Variants in IL23R observed in about 807,000 individuals in gnomAD.
The protein encoded by IL23R is interleukin 23 receptor, also known as interleukin-23 receptor.
A neutral mutation model predicts 56.9 loss-of-function variants in IL23R; 34 were observed. The observed-to-expected ratio is 0.60, with a 90% CI of 0.45 to 0.80. IL23R has a LOEUF of 0.80. Among genes scored for constraint, IL23R ranks in the 30% least tolerant of loss-of-function variants. The probability of loss-of-function intolerance (pLI) is 0.00; values close to 1 mark genes in which losing one functional copy is unlikely to be tolerated. For synonymous variants in IL23R, 230 were observed against 249.2 expected (o/e 0.92, Z 0.73); for missense variants, 635 against 730.0 (o/e 0.87, Z 1.50).
intron 3 of IL23R, among the ~76,000 whole-genome samples, chr1:67,171,724 C>T (rs997609701): frequency 3.9e-5 from 6 of 152,156 alleles, no homozygotes; most frequent in African/African-American, 1.4e-4. Context: ...TGTCACTTAA[C>T]AGGAGTGACT....
At chr1:67,174,256 AT>A (rs146816770) in intron 3 of IL23R, among the ~76,000 whole-genome samples, 3,027 of 151,952 alleles carry the variant, frequency 0.02, 93 homozygotes, top group African/African-American at 0.069. Context: ...GGCTGTACCA[AT>A]TTGTACTTCC....
At chr1:67,182,574 T>C (rs1027631748) in intron 3 of IL23R, among the ~76,000 whole-genome samples, 1 of 152,166 alleles carries the variant, frequency 6.6e-6, no homozygotes, top group African/African-American at 2.4e-5. Context: ...CCCTGACCCC[T>C]TGCACTTCCC....
At chr1:67,261,598 C>T (rs907064658), downstream of IL23R, among the ~76,000 whole-genome samples, 1 of 151,904 alleles carries the variant, frequency 6.6e-6, no homozygotes, top group African/African-American at 2.4e-5. Flanking sequence ...TGTAAATTGC[C>T]GTATGCCTTT....
At chr1:67,164,676 T>TAAAAC (rs1267912666), upstream of IL23R, among the ~76,000 whole-genome samples, 17 of 133,906 alleles carry the variant, frequency 1.3e-4, no homozygotes, top group African/African-American at 4.1e-4. Flanking sequence ...TAAAATAAAA[T>TAAAAC]AAAACAAAAA....
intron 9 of IL23R, among the ~76,000 whole-genome samples, chr1:67,251,444 T>C: frequency 9.8e-6 from 1 of 101,662 alleles, no homozygotes; most frequent in Non-Finnish European, 2.0e-5. Context: ...AGAGCGAGAC[T>C]CTGTCTCAAA....
intron 3 of IL23R, among the ~76,000 whole-genome samples, chr1:67,174,778 A>G (rs955437468): frequency 3.9e-5 from 6 of 152,216 alleles, no homozygotes; most frequent in East Asian, 1.9e-4. Context: ...CCAAAACTCA[A>G]TGTCATCAGA....
chr1:67,225,645 G>A (rs1383732193), intron 7 of IL23R, among the ~76,000 whole-genome samples: 2 of 152,072 alleles, frequency 1.3e-5, no homozygotes, highest in South Asian at 2.1e-4. Flanking sequence ...AAGTAGCTGG[G>A]ACTACAGACA....
At chr1:67,216,672 A>G (rs1343110141) in intron 6 of IL23R, among the ~76,000 whole-genome samples, 1 of 152,230 alleles carries the variant, frequency 6.6e-6, no homozygotes, top group Non-Finnish European at 1.5e-5. Context: ...ATCATGAAAT[A>G]GTCTTTTTTT....
chr1:67,246,574 G>A (rs1251535070), intron 9 of IL23R, among the ~76,000 whole-genome samples: 3 of 152,184 alleles, frequency 2.0e-5, no homozygotes. Context: ...TATTTACCCA[G>A]TAGTCACTCA....
intron 3 of IL23R, among the ~76,000 whole-genome samples, chr1:67,178,496 T>G (rs1318936629): frequency 6.6e-6 from 1 of 152,244 alleles, no homozygotes; most frequent in Admixed American, 6.5e-5. Flanking sequence ...TAAAGTTGCC[T>G]ATCAGCTTAA....
At chr1:67,192,537 T>C (rs747308795) in intron 4 of IL23R, among the ~76,000 whole-genome samples, 49 of 152,174 alleles carry the variant, frequency 3.2e-4, no homozygotes, top group Non-Finnish European at 5.7e-4. Flanking sequence ...TGTGTCTAAA[T>C]ATCTCCACCA....
intron 8 of IL23R, among the ~76,000 whole-genome samples, chr1:67,237,825 T>C (rs1200418239): frequency 6.6e-6 from 1 of 152,106 alleles, no homozygotes; most frequent in Non-Finnish European, 1.5e-5. Context: ...CAGGCAGGAA[T>C]AGTATAAGAA....
intron 5 of IL23R, among the ~76,000 whole-genome samples, chr1:67,203,637 C>A (rs1648791245): frequency 6.6e-6 from 1 of 152,170 alleles, no homozygotes. Flanking sequence ...AACAAAACCA[C>A]CAGATTATTA....
chr1:67,224,951 G>T (rs1297427959), intron 7 of IL23R, among the ~76,000 whole-genome samples: 1 of 152,158 alleles, frequency 6.6e-6, no homozygotes, highest in Non-Finnish European at 1.5e-5. Context: ...TATTATCCCA[G>T]TTGCACAGAT....
chr1:67,227,399 T>C (rs1321552369), intron 7 of IL23R, among the ~76,000 whole-genome samples: 1 of 150,502 alleles, frequency 6.6e-6, no homozygotes, highest in Non-Finnish European at 1.5e-5. Flanking sequence ...CTGCTTGCCA[T>C]AGAAAAGTTT....
At chr1:67,262,119 T>C (rs1415009436), downstream of IL23R, among the ~76,000 whole-genome samples, 1 of 152,242 alleles carries the variant, frequency 6.6e-6, no homozygotes, top group Admixed American at 6.5e-5. Context: ...TTTCTTTCTA[T>C]AATTCTTGTA....
chr1:67,196,513 C>A (rs1648166986), intron 4 of IL23R, among the ~76,000 whole-genome samples: 1 of 152,180 alleles, frequency 6.6e-6, no homozygotes, highest in South Asian at 2.1e-4. Flanking sequence ...TGCACTCAAA[C>A]CTGGGTGACA....
At chr1:67,264,132 C>G (rs1415300467), downstream of IL23R, among the ~76,000 whole-genome samples, 5 of 152,234 alleles carry the variant, frequency 3.3e-5, no homozygotes, top group African/African-American at 1.2e-4. Flanking sequence ...GCTATCAACG[C>G]AGGCTCAGGG....
intron 3 of IL23R, among the ~76,000 whole-genome samples, chr1:67,174,444 C>T (rs1479353872): frequency 1.3e-5 from 2 of 151,622 alleles, no homozygotes; most frequent in Non-Finnish European, 2.9e-5. Context: ...TTTTGGTAAG[C>T]AATTTGCAGG....
Sources: gnomAD v4.1 joint callset for allele counts (sites outside exome capture counted in the v4.1 genomes callset) on GRCh38, gnomAD v4.1.1 for gene constraint, MANE v1.5 for transcripts, NCBI Gene and HGNC (gene_info 2026-07-23, HGNC 2026-07-21) for gene names.